Variants in CELF4 observed in about 807,000 individuals in gnomAD.
The protein encoded by CELF4 is CUG-BP- and ETR-3-like factor 4.
In CELF4, 18 loss-of-function variants were observed where a neutral mutation model predicts 59.9. That is an observed-to-expected ratio of 0.30 (90% confidence interval 0.21 to 0.45). CELF4 has a LOEUF of 0.45. Ranked by LOEUF, CELF4 falls within the 20% of genes least tolerant of loss-of-function variation. The pLI, the probability that CELF4 is intolerant of heterozygous loss-of-function variation, is 1.00. For missense variants in CELF4, 456 were observed against 689.0 expected, an observed-to-expected ratio of 0.66 and a Z score of 3.79; for synonymous variants, 261 against 267.1, an observed-to-expected ratio of 0.98 and a Z score of 0.22.
intron 1 of CELF4, among the ~76,000 whole-genome samples, chr18:37,550,102 G>T (rs1439698002): frequency 6.8e-6 from 1 of 147,116 alleles, no homozygotes; most frequent in Non-Finnish European, 1.5e-5. Flanking sequence ...GGGATCCGTG[G>T]GAAGAAAGAA....
chr18:37,289,080 A>G (rs1433788258), intron 3 of CELF4, among the ~76,000 whole-genome samples: 1 of 152,154 alleles, frequency 6.6e-6, no homozygotes, highest in African/African-American at 2.4e-5. Flanking sequence ...AGATGCAGGA[A>G]GTAGACTTGA....
intron 2 of CELF4, among the ~76,000 whole-genome samples, chr18:37,353,576 G>A (rs2956970): frequency 0.044 from 6,450 of 145,516 alleles, 257 homozygotes; most frequent in African/African-American, 0.11. Context: ...ACCAGGAGCC[G>A]TTCAAGGGGA....
chr18:37,442,133 C>T (rs1157865545), intron 2 of CELF4, among the ~76,000 whole-genome samples: 1 of 152,092 alleles, frequency 6.6e-6, no homozygotes, highest in Non-Finnish European at 1.5e-5. Context: ...GATGAATTAC[C>T]CAGGGGCTTT....
chr18:37,337,866 A>G (rs964988830), intron 2 of CELF4, among the ~76,000 whole-genome samples: 20 of 152,340 alleles, frequency 1.3e-4, no homozygotes, highest in African/African-American at 4.3e-4. Context: ...GTTGTGAAGC[A>G]GAAACAAGTT....
chr18:37,250,280 G>A (rs2064695375), intron 12 of CELF4, among the ~76,000 whole-genome samples: 1 of 152,156 alleles, frequency 6.6e-6, no homozygotes, highest in African/African-American at 2.4e-5. Flanking sequence ...CACCAGAGGG[G>A]TAGGGCAGTG....
At chr18:37,464,197 G>C (rs1026883654) in intron 2 of CELF4, among the ~76,000 whole-genome samples, 12 of 152,208 alleles carry the variant, frequency 7.9e-5, no homozygotes, top group African/African-American at 2.9e-4. Flanking sequence ...GCTCGGGCTG[G>C]TGAGAGAGAC....
chr18:37,330,347 C>T (rs184253887), intron 2 of CELF4, among the ~76,000 whole-genome samples: 27 of 152,270 alleles, frequency 1.8e-4, no homozygotes, highest in African/African-American at 5.1e-4. Context: ...GAACCCTTGC[C>T]TGAGGGCTTC....
intron 3 of CELF4, among the ~76,000 whole-genome samples, chr18:37,279,356 AC>A (rs914857039): frequency 2.7e-5 from 4 of 147,662 alleles, no homozygotes; most frequent in African/African-American, 9.8e-5. Context: ...GTGGTGAGCA[AC>A]TGGAGGCTGG....
chr18:37,285,483 A>G (rs2154398337), intron 3 of CELF4, among the ~76,000 whole-genome samples: 1 of 152,328 alleles, frequency 6.6e-6, no homozygotes, highest in African/African-American at 2.4e-5. Flanking sequence ...AGGGGCTTGC[A>G]GTATGTTTGC....
intron 2 of CELF4, among the ~76,000 whole-genome samples, chr18:37,469,004 A>G (rs1204113244): frequency 6.6e-6 from 1 of 152,204 alleles, no homozygotes; most frequent in Non-Finnish European, 1.5e-5. Flanking sequence ...TTCTCTGGAC[A>G]TACTTCTCTA....
chr18:37,267,794 G>C (rs1227053899), intron 8 of CELF4, among the ~76,000 whole-genome samples: 2 of 152,080 alleles, frequency 1.3e-5, no homozygotes, highest in Non-Finnish European at 2.9e-5. Flanking sequence ...CCAACACTTT[G>C]GGAGGCCGAG....
intron 7 of CELF4, among the ~76,000 whole-genome samples, chr18:37,271,772 C>A (rs1190306442): frequency 1.3e-5 from 2 of 152,326 alleles, no homozygotes; most frequent in East Asian, 3.9e-4. Context: ...GACACCTTGG[C>A]CTCCTCCACT....
intron 3 of CELF4, among the ~76,000 whole-genome samples, chr18:37,291,788 G>A (rs1293969341): frequency 6.6e-6 from 1 of 152,168 alleles, no homozygotes; most frequent in Admixed American, 6.5e-5. Flanking sequence ...TAGAACATCT[G>A]AGTTTGGCCA....
intron 3 of CELF4, among the ~76,000 whole-genome samples, chr18:37,280,180 G>A (rs1209214546): frequency 6.6e-6 from 1 of 152,206 alleles, no homozygotes; most frequent in African/African-American, 2.4e-5. Flanking sequence ...TGGGGCTGGG[G>A]GAAGATGATA....
chr18:37,246,522 C>T lies in CELF4; in HGVS notation c.*45-1325G>A, dbSNP rs941094993. Among the ~76,000 whole-genome samples, 1 of 151,912 alleles carries T rather than the reference C, an allele frequency of 6.6e-6. No homozygotes were observed. Among genetic ancestry groups the T allele is most frequent in the African/African-American group, 2.4e-5 (1 of 41,366 alleles). ...TCTTGCAGAGGCCTCTGGCTTTGTA[C>T]TCTAGTTTTTTGGTTTAGAATTTTT... On this transcript the variant is annotated intron_variant, in intron 12 of 12. Transcript: ENST00000420428. This position sits in a 1 kb window ranked among gnomAD's most constrained non-coding sequence, Gnocchi z 5.3.
chr18:37,472,197 G>A (rs959181739), intron 2 of CELF4, among the ~76,000 whole-genome samples: 2 of 152,270 alleles, frequency 1.3e-5, no homozygotes, highest in Admixed American at 1.3e-4. Context: ...GTGATCTTGA[G>A]CCCTCCTCTT....
At chr18:37,517,118 G>A (rs1416368388) in intron 1 of CELF4, among the ~76,000 whole-genome samples, 2 of 152,168 alleles carry the variant, frequency 1.3e-5, no homozygotes, top group East Asian at 3.9e-4. Flanking sequence ...TTAGCACTGA[G>A]AGAGCCAGGA....
intron 2 of CELF4, among the ~76,000 whole-genome samples, chr18:37,342,455 G>A (rs887646009): frequency 3.3e-5 from 5 of 152,180 alleles, no homozygotes; most frequent in Admixed American, 3.3e-4. Context: ...GCAGCCTGGT[G>A]GGGAAGGGGG....
intron 2 of CELF4, among the ~76,000 whole-genome samples, chr18:37,359,895 G>C (rs2098674145): frequency 6.6e-6 from 1 of 151,132 alleles, no homozygotes; most frequent in African/African-American, 2.4e-5. Flanking sequence ...TGTTGCCCAG[G>C]CTGGAGTGCA....
Sources: allele counts gnomAD v4.1 joint callset (sites outside exome capture counted in the v4.1 genomes callset), GRCh38; gene constraint gnomAD v4.1.1; non-coding constraint Gnocchi (gnomAD v3.1); transcripts MANE v1.5; gene names NCBI Gene and HGNC (gene_info 2026-07-23, HGNC 2026-07-21).